CRIM1: variants seen among roughly 807,000 people sequenced by gnomAD.
The protein encoded by CRIM1 is cysteine rich transmembrane BMP regulator 1, also known as cysteine-rich motor neuron 1 protein.
In CRIM1, 32 loss-of-function variants were observed where a neutral mutation model predicts 116.4. That is an observed-to-expected ratio of 0.27 (90% confidence interval 0.21 to 0.37). CRIM1 has a LOEUF of 0.37. Among genes scored for constraint, CRIM1 ranks in the 10% least tolerant of loss-of-function variants. The pLI, the probability that CRIM1 is intolerant of heterozygous loss-of-function variation, is 1.00. For synonymous variants in CRIM1, 590 were observed against 509.2 expected (o/e 1.16, Z -2.13); for missense variants, 1,331 against 1,354.8 (o/e 0.98, Z 0.28).
chr2:36,535,993 G>T (rs1002053369), intron 13 of CRIM1, among the ~76,000 whole-genome samples: 2 of 152,146 alleles, frequency 1.3e-5, no homozygotes, highest in African/African-American at 4.8e-5. Context: ...TGGTATCCAT[G>T]GGGTCCTAGA....
At chr2:36,366,558 G>A (rs764694632) in intron 1 of CRIM1, among the ~76,000 whole-genome samples, 1 of 152,040 alleles carries the variant, frequency 6.6e-6, no homozygotes, top group Non-Finnish European at 1.5e-5. Context: ...AGGAGAGGGA[G>A]TAGATGGTGG....
Position 36,356,133 on chromosome 2 carries a change from T to A in CRIM1, c.-160T>A. The A allele has an allele frequency of 6.1e-6, 1 of 165,226 alleles. No individual in the cohort carries two copies. The highest frequency in any genetic ancestry group is 1.3e-5 in the Non-Finnish European group (1 of 79,376). The allele number at this position is 165,226 out of a possible 1,614,324, so 10.2% of individuals were successfully genotyped here. On this transcript the variant is annotated 5_prime_UTR_variant, in exon 1 of 17. Transcript: ENST00000280527. The surrounding 1 kb of genome is among the most constrained non-coding windows in gnomAD (Gnocchi z 4.3). ...GCGGCCCGCAGAAGGGGCGGGGGCC[T>A]CGCCCCGCGAGGGGAGGCGCGCCCC...
At chr2:36,373,842 A>T (rs1436887528) in intron 1 of CRIM1, among the ~76,000 whole-genome samples, 1 of 152,142 alleles carries the variant, frequency 6.6e-6, no homozygotes, top group Admixed American at 6.5e-5. Context: ...GTGTCCTGGT[A>T]GTCTGTTATG....
At chr2:36,479,992 G>A (rs1253442618) in intron 7 of CRIM1, among the ~76,000 whole-genome samples, 4 of 152,102 alleles carry the variant, frequency 2.6e-5, no homozygotes. Context: ...AACACCCAAA[G>A]GTCAGCCTAA....
At chr2:36,419,805 C>T (rs116340600) in intron 2 of CRIM1, among the ~76,000 whole-genome samples, 1,788 of 152,252 alleles carry the variant, frequency 0.012, 41 homozygotes, top group African/African-American at 0.041. Flanking sequence ...AGGCGATCTG[C>T]GCAGCACATC....
At chr2:36,494,410 T>G (rs565080450) in intron 7 of CRIM1, among the ~76,000 whole-genome samples, 1 of 152,306 alleles carries the variant, frequency 6.6e-6, no homozygotes, top group African/African-American at 2.4e-5. Context: ...AACCCTAAAT[T>G]TTTAATAAAT....
intron 5 of CRIM1, among the ~76,000 whole-genome samples, chr2:36,475,153 T>TC (rs1678863898): frequency 6.6e-6 from 1 of 152,262 alleles, no homozygotes; most frequent in Non-Finnish European, 1.5e-5. Flanking sequence ...AGGAGTTTGA[T>TC]AGAGATTGCA....
intron 2 of CRIM1, among the ~76,000 whole-genome samples, chr2:36,426,947 A>C (rs1026260202): frequency 6.6e-6 from 1 of 152,206 alleles, no homozygotes; most frequent in Admixed American, 6.5e-5. Context: ...TCACGCCTGT[A>C]ATCCCAGCAC....
At chr2:36,404,774 GT>G (rs1381479909) in intron 2 of CRIM1, among the ~76,000 whole-genome samples, 1 of 152,092 alleles carries the variant, frequency 6.6e-6, no homozygotes, top group Non-Finnish European at 1.5e-5. Context: ...AAAGACTTCT[GT>G]TTTATAGCCT....
chr2:36,503,965 G>A (rs1208880036), intron 8 of CRIM1, among the ~76,000 whole-genome samples: 2 of 151,950 alleles, frequency 1.3e-5, no homozygotes, highest in African/African-American at 4.8e-5. Flanking sequence ...CAACCTCCCA[G>A]GCTCAAGCGA....
rs554636315 is a variant in CRIM1, at chr2:36,454,319, C to A, written c.870-10215C>A. ...TGCCTTCCCTCTGTGCCCACTCCCC[C>A]ACATTTGATGGTCATTTCACAAACT... On this transcript the variant is annotated intron_variant, in intron 4 of 16. Transcript: ENST00000280527. Among the ~76,000 whole-genome samples the A allele has an allele frequency of 2.0e-5, 3 of 152,140 alleles. No individual in the cohort carries two copies. The East Asian group carries it at 5.8e-4, about 29-fold the overall frequency.
At chr2:36,367,277 T>A (rs559169279) in intron 1 of CRIM1, among the ~76,000 whole-genome samples, 1 of 152,362 alleles carries the variant, frequency 6.6e-6, no homozygotes, top group East Asian at 1.9e-4. Flanking sequence ...AATAAATTTC[T>A]GTGTTTTAAT....
chr2:36,523,038 T>A (rs953821256), intron 13 of CRIM1, among the ~76,000 whole-genome samples: 38 of 146,890 alleles, frequency 2.6e-4, no homozygotes, highest in Non-Finnish European at 1.2e-4. Flanking sequence ...TGCTGCAACC[T>A]CCGCCTCCTG....
chr2:36,412,210 T>A (rs191249705), intron 2 of CRIM1, among the ~76,000 whole-genome samples: 5 of 147,150 alleles, frequency 3.4e-5, no homozygotes, highest in Admixed American at 6.8e-5. Context: ...TCTCAGTAAA[T>A]AACCAAGAAC....
At chr2:36,529,302 A>G (rs773969785) in intron 13 of CRIM1, 21 of 419,028 alleles carry the variant, frequency 5.0e-5, no homozygotes, top group Admixed American at 1.9e-4. Context: ...AACATCTTCT[A>G]TAGGTGCAGA....
intron 2 of CRIM1, among the ~76,000 whole-genome samples, chr2:36,411,006 C>CGCA (rs1673162779): frequency 6.6e-6 from 1 of 152,104 alleles, no homozygotes; most frequent in Admixed American, 6.6e-5. Flanking sequence ...TCGTGTCTGA[C>CGCA]GCAGATCTGG....
At position 36,389,172 on chromosome 2, in the gene CRIM1, T is replaced by G. The variant is rs1402337616; in HGVS notation, c.332-7442T>G. ...ATCATTTCTACTGATAACCATAAAT[T>G]TGCCCTTCCTGCTTTGCACTGATTG... On this transcript the variant is annotated intron_variant, in intron 1 of 16. Transcript: ENST00000280527. Among the ~76,000 whole-genome samples, 5 of 152,238 alleles carry G rather than the reference T, an allele frequency of 3.3e-5. 1 individual carries two copies. The highest frequency in any genetic ancestry group is 6.5e-5 in the Admixed American group (1 of 15,288).
chr2:36,498,870 A>T (rs1038889301), intron 7 of CRIM1, among the ~76,000 whole-genome samples: 5 of 152,226 alleles, frequency 3.3e-5, no homozygotes, highest in Non-Finnish European at 7.3e-5. Context: ...AAACCGGAAA[A>T]CATCAGGAAG....
chr2:36,424,130 T>C (rs962505518), intron 2 of CRIM1, among the ~76,000 whole-genome samples: 17 of 152,238 alleles, frequency 1.1e-4, no homozygotes, highest in African/African-American at 4.1e-4. Flanking sequence ...CCAGTCCTCA[T>C]GGAAATCACA....
Sources: allele counts gnomAD v4.1 joint callset (sites outside exome capture counted in the v4.1 genomes callset), GRCh38; gene constraint gnomAD v4.1.1; non-coding constraint Gnocchi (gnomAD v3.1); transcripts MANE v1.5; gene names NCBI Gene and HGNC (gene_info 2026-07-23, HGNC 2026-07-21).